Variants in CFH observed in about 807,000 individuals in gnomAD.
CFH encodes H factor 1 (complement).
A neutral mutation model predicts 147.3 loss-of-function variants in CFH; 53 were observed. That is an observed-to-expected ratio of 0.36 (90% CI 0.29 to 0.45). The LOEUF (loss-of-function observed/expected upper bound fraction) is 0.45, where lower values mean the gene tolerates loss of function less well. Among genes scored for constraint, CFH ranks in the 20% least tolerant of loss-of-function variants. The probability of loss-of-function intolerance (pLI) is 1.00; values close to 1 mark genes in which losing one functional copy is unlikely to be tolerated. For synonymous variants in CFH, 536 were observed against 489.4 expected (o/e 1.10, Z -1.26); for missense variants, 1,380 against 1,498.0 (o/e 0.92, Z 1.30).
chr1:196,713,441 C>T (rs546369448), intron 9 of CFH, among the ~76,000 whole-genome samples: 1 of 152,246 alleles, frequency 6.6e-6, no homozygotes, highest in Non-Finnish European at 1.5e-5. Context: ...CTATTGAGTT[C>T]TGACATGCTG....
chr1:196,733,413 A>AT (rs779737954), intron 15 of CFH, among the ~76,000 whole-genome samples: 1 of 152,098 alleles, frequency 6.6e-6, no homozygotes, highest in South Asian at 2.1e-4. Context: ...GGAGACTGGT[A>AT]TTTTTCTAAT....
rs1668806752 is a variant in CFH at position 196,714,635 on chromosome 1, G to GTATATATGTATATA, written c.1519+725_1519+726insGTATATATATATAT. On this transcript the variant is annotated intron_variant, in intron 10 of 21. Transcript: ENST00000367429. ...TGTGTGTGTGTGTATACGTATATAT[G>GTATATATGTATATA]TATATATATATATATATATATATAT... is the stretch of plus-strand genomic sequence containing the variant. Among the ~76,000 whole-genome samples, 2 of 24,924 alleles carry GTATATATGTATATA rather than the reference G, an allele frequency of 8.0e-5. 1 individual carries two copies. Among genetic ancestry groups the GTATATATGTATATA allele is most frequent in the South Asian group, 4.5e-3 (2 of 440 alleles). The allele number at this position is 24,924 out of a possible 152,430, so 16.4% of individuals were successfully genotyped here. A position where few individuals can be genotyped will look rare whatever the true frequency, so the allele number is the denominator to read the frequency against.
chr1:196,668,315 G>A (rs185559471), intron 1 of CFH, among the ~76,000 whole-genome samples: 45 of 152,234 alleles, frequency 3.0e-4, no homozygotes, highest in South Asian at 6.2e-4. Context: ...CATTTTTGAA[G>A]TATATTTTCA....
rs1374650250 is a variant in CFH at position 196,679,615 on chromosome 1, T to G, written c.620-8T>G. 1 of 1,590,444 alleles carries G rather than the reference T, an allele frequency of 6.3e-7. No individual in the cohort carries two copies. The highest frequency in any genetic ancestry group is 1.3e-5 in the African/African-American group (1 of 74,512). Reference sequence around the variant, plus strand: ...TAAACATTTTGGAATTTAATCCCTTTTATTTAGAAATTTCATGCAAATCCC... The same window carrying G: ...TAAACATTTTGGAATTTAATCCCTTGTATTTAGAAATTTCATGCAAATCCC... On this transcript the variant is annotated splice_polypyrimidine_tract_variant and splice_region_variant and intron_variant, in intron 5 of 21. Transcript: ENST00000367429.
intron 14 of CFH, among the ~76,000 whole-genome samples, chr1:196,728,015 A>G (rs908876317): frequency 2.0e-5 from 3 of 152,102 alleles, no homozygotes; most frequent in Non-Finnish European, 4.4e-5. Flanking sequence ...GATTTTTCCT[A>G]AAGTTTTCCT....
At chr1:196,716,676 G>A (rs1428897374) in intron 11 of CFH, among the ~76,000 whole-genome samples, 2 of 152,034 alleles carry the variant, frequency 1.3e-5, no homozygotes, top group Non-Finnish European at 2.9e-5. Flanking sequence ...AAGTACAGGT[G>A]ATGTTACTAA....
chr1:196,689,027 AAAAG>A (rs36170795), intron 7 of CFH, among the ~76,000 whole-genome samples: 29,859 of 149,680 alleles, frequency 0.2, 3,667 homozygotes, highest in African/African-American at 0.36. Flanking sequence ...GAATAGAAAA[AAAAG>A]AAAGAAAGAA....
intron 1 of CFH, among the ~76,000 whole-genome samples, chr1:196,654,037 C>T (rs1287984852): frequency 1.3e-5 from 2 of 152,046 alleles, no homozygotes; most frequent in East Asian, 3.8e-4. Flanking sequence ...TCGAGATGTC[C>T]ATCAGTTCTA....
At position 196,672,992 on chromosome 1, in the gene CFH, C is replaced by T; in HGVS notation, c.73C>T (p.Pro25Ser). 3.1e-6 allele frequency: 5 copies of T among 1,613,908 alleles called. No individual in the cohort carries two copies. The highest frequency in any genetic ancestry group is 4.2e-6 in the Non-Finnish European group (5 of 1,179,912). ...ICVAEDCNEL[P>S]PRRNTEILTG... is the part of the protein sequence containing the mutation. ...ATTGTTTGTAGATTGCAATGAACTT[C>T]CTCCAAGAAGAAATACAGAAATTCT... is the stretch of plus-strand genomic sequence containing the variant. The change falls in exon 2 of 22, where the codon CCT becomes TCT. Residue 25 changes from proline (P) to serine (S), a missense_variant. This residue lies in a region of CFH where 260 missense variants were observed against 263.3 expected (regional missense o/e 0.99). Transcript: ENST00000367429.
Position 196,673,179 on chromosome 1 carries a change from A to G in CFH, c.244+16A>G, listed in dbSNP as rs1553272896. The G allele has an allele frequency of 3.1e-6, 5 of 1,606,060 alleles. No homozygotes were observed. The highest frequency in any genetic ancestry group is 1.7e-5 in the Admixed American group (1 of 60,004). ...AAATGTCAGAGTAAGTACTTAATAC[A>G]TTTGTGAAATTTATGAAAACTAGGT... On this transcript the variant is annotated intron_variant, in intron 2 of 21. Transcript: ENST00000367429.
At chr1:196,678,222 A>G (rs566128360) in intron 5 of CFH, 4 of 156,392 alleles carry the variant, frequency 2.6e-5, no homozygotes, top group African/African-American at 9.6e-5. Flanking sequence ...ATGTTGCTGA[A>G]TTGAACAGAA....
At chr1:196,688,722 T>C (rs913832292) in intron 7 of CFH, among the ~76,000 whole-genome samples, 2 of 152,152 alleles carry the variant, frequency 1.3e-5, no homozygotes, top group African/African-American at 4.8e-5. Context: ...GCGATTCTCC[T>C]GCCTCTGCTT....
intron 15 of CFH, among the ~76,000 whole-genome samples, chr1:196,731,453 G>T (rs899292549): frequency 4.0e-5 from 6 of 151,840 alleles, no homozygotes; most frequent in Non-Finnish European, 8.8e-5. Context: ...TCAATAATTC[G>T]TATCTCTTAA....
chr1:196,719,591 T>G (rs973494061), intron 11 of CFH, among the ~76,000 whole-genome samples: 2 of 151,912 alleles, frequency 1.3e-5, no homozygotes, highest in Admixed American at 1.3e-4. Flanking sequence ...TTCTTTTTAG[T>G]ATGATTCTAA....
At chr1:196,710,167 C>A (rs780934751) in intron 9 of CFH, among the ~76,000 whole-genome samples, 10 of 152,040 alleles carry the variant, frequency 6.6e-5, no homozygotes, top group African/African-American at 9.7e-5. Flanking sequence ...CAATTGACAA[C>A]CCAAATTTTC....
In CFH at chr1:196,726,936, T is replaced by TGTGG; in HGVS notation, c.2236_2236+3dup. On this transcript the variant is annotated frameshift_variant, in exon 14 of 22. Coordinates refer to ENST00000367429, the MANE Select transcript of CFH (RefSeq NM_000186.4). LOFTEE classifies it high-confidence loss of function. ...GAGTATGGACCCAACTTCCCCAGTGTGTGGGTGAGAATACCCTTCTTAAAT... is the reference window on the plus strand; with the variant it reads ...GAGTATGGACCCAACTTCCCCAGTGTGTGGGTGGGTGAGAATACCCTTCTTAAAT... 6.2e-7 allele frequency: 1 copy of TGTGG among 1,612,316 alleles called. No homozygotes were observed. The highest frequency in any genetic ancestry group is 2.2e-5 in the East Asian group (1 of 44,846).
At chr1:196,733,316 T>A (rs1669323457) in intron 15 of CFH, among the ~76,000 whole-genome samples, 1 of 152,098 alleles carries the variant, frequency 6.6e-6, no homozygotes, top group Non-Finnish European at 1.5e-5. Context: ...GAACTTTCTC[T>A]TTCCTTTTCT....
intron 9 of CFH, among the ~76,000 whole-genome samples, chr1:196,693,327 T>C (rs1668132030): frequency 6.6e-6 from 1 of 152,036 alleles, no homozygotes; most frequent in Non-Finnish European, 1.5e-5. Flanking sequence ...AGAATATCAA[T>C]TTCTCTTGAC....
At position 196,740,616 on chromosome 1, in the gene CFH, T is replaced by A. The variant is rs1018815333; in HGVS notation, c.2783-3T>A. ...AAACCTGAATTCATTCTTTTTTTTT[T>A]AGGCCTTCCTTGTAAATCTCCACCT... On this transcript the variant is annotated splice_region_variant and splice_polypyrimidine_tract_variant and intron_variant, in intron 17 of 21. Transcript: ENST00000367429. The A allele has an allele frequency of 1.9e-6, 3 of 1,612,764 alleles. No homozygotes were observed. The highest frequency in any genetic ancestry group is 2.5e-6 in the Non-Finnish European group (3 of 1,179,592).
Sources: gnomAD v4.1 joint callset for allele counts (sites outside exome capture counted in the v4.1 genomes callset) on GRCh38, gnomAD v4.1.1 for gene constraint, gnomAD v4.1.1 regional missense constraint, MANE v1.5 for transcripts, NCBI Gene and HGNC (gene_info 2026-07-23, HGNC 2026-07-21) for gene names.